ADGRB3: variants seen among roughly 807,000 people sequenced by gnomAD.
The protein encoded by ADGRB3 is brain-specific angiogenesis inhibitor 3.
In ADGRB3, 37 loss-of-function variants were observed where a neutral mutation model predicts 193.4. The observed-to-expected ratio is 0.19, with a 90% CI of 0.15 to 0.25. ADGRB3 has a LOEUF of 0.25. ADGRB3 is among the 10% of genes least tolerant of loss of function. The pLI is 1.00. For synonymous variants in ADGRB3, 690 were observed against 644.2 expected (o/e 1.07, Z -1.08); for missense variants, 1,637 against 1,852.9 (o/e 0.88, Z 2.14).
chr6:68,987,067 T>C (rs945708919), intron 10 of ADGRB3, among the ~76,000 whole-genome samples: 2 of 152,130 alleles, frequency 1.3e-5, no homozygotes, highest in African/African-American at 4.8e-5. Flanking sequence ...TTCTCAATAG[T>C]AGTAAATATG....
At chr6:68,638,442 T>A (rs1480702274) in intron 2 of ADGRB3, among the ~76,000 whole-genome samples, 1 of 152,246 alleles carries the variant, frequency 6.6e-6, no homozygotes, top group African/African-American at 2.4e-5. Flanking sequence ...TTAAATTGAA[T>A]GTTGCGAATT....
intron 17 of ADGRB3, among the ~76,000 whole-genome samples, chr6:69,210,661 A>G (rs1314001034): frequency 6.6e-6 from 1 of 152,106 alleles, no homozygotes; most frequent in Non-Finnish European, 1.5e-5. Context: ...GGGAATGCAG[A>G]CATAAGCCAT....
intron 17 of ADGRB3, among the ~76,000 whole-genome samples, chr6:69,155,098 T>C (rs1453354385): frequency 6.6e-6 from 1 of 152,230 alleles, no homozygotes; most frequent in Admixed American, 6.5e-5. Context: ...AATTCAAGAC[T>C]TGATTTATTA....
intron 13 of ADGRB3, among the ~76,000 whole-genome samples, chr6:69,041,292 T>G: frequency 6.6e-6 from 1 of 152,182 alleles, no homozygotes; most frequent in Admixed American, 6.5e-5. Context: ...TGCAAAATCC[T>G]AAAATACGAT....
intron 17 of ADGRB3, among the ~76,000 whole-genome samples, chr6:69,172,580 C>T (rs1379444895): frequency 8.1e-6 from 1 of 122,820 alleles, no homozygotes; most frequent in Non-Finnish European, 1.6e-5. Flanking sequence ...GGAGGCGGAG[C>T]TTGCAGTGAG....
rs1280602387 is a variant in ADGRB3, at chr6:68,700,410, A to G, written c.757+60978A>G. On this transcript the variant is annotated intron_variant, in intron 3 of 31. Transcript: ENST00000370598. ...TAAGAGGAGGTTAAAAAGGAAATCT[A>G]TAAACGGTTGGAATCAATTTAGCAT... Among the ~76,000 whole-genome samples, 13 of 152,238 alleles carry G rather than the reference A, an allele frequency of 8.5e-5. No homozygotes were observed. The East Asian group carries it at 2.5e-3, about 30-fold the overall frequency.
chr6:68,989,888 TGAAAG>T (rs1769183539), intron 10 of ADGRB3, among the ~76,000 whole-genome samples: 1 of 152,056 alleles, frequency 6.6e-6, no homozygotes, highest in Non-Finnish European at 1.5e-5. Context: ...AAACAGTAGT[TGAAAG>T]GAAGTAGCAA....
At chr6:68,876,874 G>A (rs560088859) in intron 3 of ADGRB3, among the ~76,000 whole-genome samples, 1 of 152,000 alleles carries the variant, frequency 6.6e-6, no homozygotes, top group South Asian at 2.1e-4. Flanking sequence ...TAGTTTACAG[G>A]TATGGCTCTT....
In ADGRB3 at chr6:68,993,863, T is replaced by A. The variant is rs769407836; in HGVS notation, c.1830T>A (p.Asn610Lys). Residue 610 changes from asparagine to lysine, a missense_variant, in exon 11 of 32, where the codon AAT (asparagine) becomes AAA (lysine). Physicochemically the swap from Asn to Lys is moderately conservative, Grantham distance 94. Coordinates refer to ENST00000370598, the MANE Select transcript of ADGRB3 (RefSeq NM_001704.3). ...KTLLDLTQRK[N>K]FYAGDLLMSV... ...TGTTGGATTTAACTCAGAGAAAAAA[T>A]TTCTATGCAGGCGATCTTCTGATGT... 18 of 1,613,854 alleles carry A rather than the reference T, an allele frequency of 1.1e-5. No individual in the cohort carries two copies. The highest frequency in any genetic ancestry group is 4.4e-5 in the South Asian group (4 of 91,074).
chr6:68,903,341 A>G (rs1329498873), intron 3 of ADGRB3, among the ~76,000 whole-genome samples: 2 of 152,206 alleles, frequency 1.3e-5, no homozygotes, highest in Admixed American at 6.5e-5. Context: ...ATAAAATACC[A>G]TTATAAAAAC....
At chr6:68,807,473 C>G (rs1767427983) in intron 3 of ADGRB3, among the ~76,000 whole-genome samples, 1 of 151,836 alleles carries the variant, frequency 6.6e-6, no homozygotes, top group Admixed American at 6.6e-5. Context: ...ATCTCCTGAC[C>G]TCGTGATTTC....
At chr6:68,724,099 A>T (rs80330372) in intron 3 of ADGRB3, among the ~76,000 whole-genome samples, 2 of 129,466 alleles carry the variant, frequency 1.5e-5, no homozygotes, top group Non-Finnish European at 3.3e-5. Context: ...ATGAAATATT[A>T]AAAAAAAAAA....
At chr6:68,829,905 A>G (rs1054794154) in intron 3 of ADGRB3, among the ~76,000 whole-genome samples, 1 of 152,172 alleles carries the variant, frequency 6.6e-6, no homozygotes, top group African/African-American at 2.4e-5. Context: ...AATCTCATAT[A>G]AGATAGAACA....
chr6:68,956,307 G>A (rs140847862), intron 7 of ADGRB3, 119 bp downstream of exon 7: 121,849 of 937,338 alleles, frequency 0.13, 9,279 homozygotes, highest in Non-Finnish European at 0.15. Flanking sequence ...ATATATGTGT[G>A]TGTGTGTGTG....
chr6:68,866,230 T>TG (rs1388950784), intron 3 of ADGRB3, among the ~76,000 whole-genome samples: 1 of 152,174 alleles, frequency 6.6e-6, no homozygotes, highest in Non-Finnish European at 1.5e-5. Context: ...GACTGGATCA[T>TG]GGGGCCAGTT....
At chr6:69,355,978 G>A in intron 28 of ADGRB3, 118 bp downstream of exon 28, 2 of 827,856 alleles carry the variant, frequency 2.4e-6, no homozygotes, top group Non-Finnish European at 3.7e-6. Context: ...TGAAAGGGCT[G>A]TATATGTAAA....
intron 17 of ADGRB3, among the ~76,000 whole-genome samples, chr6:69,104,116 A>G (rs1029501282): frequency 2.6e-5 from 4 of 151,638 alleles, no homozygotes; most frequent in Non-Finnish European, 5.9e-5. Flanking sequence ...TACATGTGCC[A>G]TGCTGGTGTG....
At chr6:69,011,133 A>G (rs989672012) in intron 11 of ADGRB3, among the ~76,000 whole-genome samples, 2 of 97,162 alleles carry the variant, frequency 2.1e-5, no homozygotes, top group Non-Finnish European at 4.1e-5. Context: ...ATATACATAT[A>G]TATGTGTGTG....
intron 17 of ADGRB3, among the ~76,000 whole-genome samples, chr6:69,114,996 G>A (rs1773488466): frequency 6.6e-6 from 1 of 152,176 alleles, no homozygotes; most frequent in South Asian, 2.1e-4. Context: ...CACTGTTGGT[G>A]GGAGTGTAAA....
Sources: allele counts gnomAD v4.1 joint callset (sites outside exome capture counted in the v4.1 genomes callset), GRCh38; gene constraint gnomAD v4.1.1; transcripts MANE v1.5; gene names NCBI Gene and HGNC (gene_info 2026-07-23, HGNC 2026-07-21).